RNF150: variants seen among roughly 807,000 people sequenced by gnomAD.
The protein encoded by RNF150 is ring finger protein 150.
In RNF150, 24 loss-of-function variants were observed where a neutral mutation model predicts 39.3. The observed-to-expected ratio is 0.61, with a 90% confidence interval of 0.44 to 0.86. RNF150 has a LOEUF of 0.86. RNF150 is among the 40% of genes least tolerant of loss of function. The pLI is 0.00. For synonymous variants in RNF150, 255 were observed against 227.3 expected, an observed-to-expected ratio of 1.12 and a Z score of -1.10; for missense variants, 502 against 587.8, an observed-to-expected ratio of 0.85 and a Z score of 1.51.
At chr4:140,992,509 C>T (rs1409200818) in intron 1 of RNF150, among the ~76,000 whole-genome samples, 2 of 152,106 alleles carry the variant, frequency 1.3e-5, no homozygotes, top group South Asian at 2.1e-4. Flanking sequence ...GAGGTGGCCA[C>T]ACAGTCAGCT....
chr4:141,025,224 GAACA>G (rs1174536172), intron 1 of RNF150, among the ~76,000 whole-genome samples: 2 of 151,950 alleles, frequency 1.3e-5, no homozygotes, highest in Non-Finnish European at 2.9e-5. Context: ...CACAAGAAAA[GAACA>G]AATACCAGGC....
Position 140,860,327 on chromosome 4 carries a change from C to T in RNF150, c.*7934G>A, listed in dbSNP as rs1364913205. 2.6e-5 allele frequency: 4 copies of T among 152,082 alleles called. No homozygotes were observed. The highest frequency in any genetic ancestry group is 1.9e-4 in the East Asian group (1 of 5,182). 9.4% of individuals were successfully genotyped at this position (152,082 alleles called of 1,614,324 possible). ...ACAGAAGATTAGTTTTGGGTAAAAA[C>T]GCTACATAATTCACTAGTACTTATT... On this transcript the variant is annotated 3_prime_UTR_variant, in exon 7 of 7. Coordinates refer to ENST00000515673, the MANE Select transcript of RNF150 (RefSeq NM_020724.2).
intron 1 of RNF150, among the ~76,000 whole-genome samples, chr4:141,175,256 T>C (rs988777176): frequency 6.6e-6 from 1 of 152,190 alleles, no homozygotes; most frequent in Admixed American, 6.5e-5. Context: ...TCCTCACAGA[T>C]TTGTTGAGCT....
intron 5 of RNF150, among the ~76,000 whole-genome samples, chr4:140,921,804 C>A (rs1161340748): frequency 6.6e-6 from 1 of 152,162 alleles, no homozygotes; most frequent in Non-Finnish European, 1.5e-5. Context: ...GGATGCAAGG[C>A]TGGTTCAACA....
At chr4:141,051,568 T>C (rs903495156) in intron 1 of RNF150, among the ~76,000 whole-genome samples, 5 of 152,204 alleles carry the variant, frequency 3.3e-5, no homozygotes, top group African/African-American at 1.2e-4. Flanking sequence ...CACAAGTCTC[T>C]AGGGCAGGCG....
intron 1 of RNF150, among the ~76,000 whole-genome samples, chr4:141,081,109 A>G (rs1305568607): frequency 6.6e-6 from 1 of 152,224 alleles, no homozygotes; most frequent in Non-Finnish European, 1.5e-5. Context: ...TACTGCCATA[A>G]TATCAGTACT....
At chr4:140,935,046 A>AT (rs56284933) in intron 4 of RNF150, among the ~76,000 whole-genome samples, 12 of 93,686 alleles carry the variant, frequency 1.3e-4, no homozygotes, top group South Asian at 3.1e-4. Flanking sequence ...TATATATATA[A>AT]ATATATATAT....
At chr4:140,999,969 G>GA (rs1553935657) in intron 1 of RNF150, among the ~76,000 whole-genome samples, 1 of 31,048 alleles carries the variant, frequency 3.2e-5, no homozygotes, top group Non-Finnish European at 9.0e-5. Context: ...AGAAGAAGAA[G>GA]AAGAAGAAAA....
At chr4:140,941,116 G>C (rs1433427674) in intron 4 of RNF150, among the ~76,000 whole-genome samples, 1 of 151,994 alleles carries the variant, frequency 6.6e-6, no homozygotes, top group African/African-American at 2.4e-5. Context: ...GTAAGAGATG[G>C]GGCTAAAAAA....
intron 1 of RNF150, among the ~76,000 whole-genome samples, chr4:141,149,481 A>G (rs1467643594): frequency 6.6e-6 from 1 of 152,154 alleles, no homozygotes; most frequent in Non-Finnish European, 1.5e-5. Flanking sequence ...GTGAGAACAT[A>G]TGATGTTTGG....
At chr4:141,086,517 A>G (rs373555294) in intron 1 of RNF150, among the ~76,000 whole-genome samples, 3 of 152,134 alleles carry the variant, frequency 2.0e-5, no homozygotes, top group African/African-American at 7.2e-5. Flanking sequence ...GGGTATGTAC[A>G]AAAGCAGTGT....
chr4:141,140,377 C>T (rs1456994676), intron 1 of RNF150, among the ~76,000 whole-genome samples: 1 of 152,134 alleles, frequency 6.6e-6, no homozygotes, highest in East Asian at 1.9e-4. Flanking sequence ...ATAAACTCTT[C>T]CAAACAACTT....
At position 141,171,523 on chromosome 4, in the gene RNF150, G is replaced by A. The variant is rs111447886; in HGVS notation, c.-6+41271C>T. On this transcript the variant is annotated intron_variant, in intron 1 of 7. Transcript: ENST00000420921. ...GGGGATTCTTACTACTTACTAGTGA[G>A]TGAGCACAGAATGGGGGAACTGAAT... 2.6e-3 allele frequency among the ~76,000 whole-genome samples: 403 copies of A among 152,218 alleles called. 1 individual carries two copies. Among genetic ancestry groups the A allele is most frequent in the African/African-American group, 9.2e-3 (382 of 41,512 alleles).
chr4:141,001,265 T>C (rs1025528985), intron 1 of RNF150, among the ~76,000 whole-genome samples: 12 of 152,252 alleles, frequency 7.9e-5, no homozygotes, highest in African/African-American at 2.9e-4. Context: ...AACCTCTCTT[T>C]CTCCCTCTTT....
At chr4:141,010,864 G>C (rs182364696) in intron 1 of RNF150, among the ~76,000 whole-genome samples, 1 of 152,070 alleles carries the variant, frequency 6.6e-6, no homozygotes, top group Admixed American at 6.6e-5. Context: ...GGTTCTGCAT[G>C]GGCTCCTCTC....
At chr4:140,994,820 A>G (rs922780166) in intron 1 of RNF150, among the ~76,000 whole-genome samples, 10 of 152,142 alleles carry the variant, frequency 6.6e-5, no homozygotes, top group African/African-American at 1.2e-4. Flanking sequence ...TGTTCAATCT[A>G]TAAGTCTTTT....
At chr4:141,048,218 C>G (rs2110881301) in intron 1 of RNF150, among the ~76,000 whole-genome samples, 1 of 152,342 alleles carries the variant, frequency 6.6e-6, no homozygotes, top group South Asian at 2.1e-4. Flanking sequence ...CATGCCATCT[C>G]TTGGCTGAGC....
chr4:140,965,921 C>T (rs1175147187), intron 2 of RNF150, among the ~76,000 whole-genome samples: 2 of 152,098 alleles, frequency 1.3e-5, no homozygotes, highest in South Asian at 2.1e-4. Context: ...CATCAAAAAA[C>T]TATGTGAGAC....
chr4:140,971,149 A>G (rs905374136), intron 1 of RNF150, among the ~76,000 whole-genome samples: 2 of 152,146 alleles, frequency 1.3e-5, no homozygotes, highest in East Asian at 3.9e-4. Flanking sequence ...ATGAGTATCA[A>G]ATTCCCTGAT....
Sources: allele counts gnomAD v4.1 joint callset (sites outside exome capture counted in the v4.1 genomes callset), GRCh38; gene constraint gnomAD v4.1.1; transcripts MANE v1.5; gene names NCBI Gene and HGNC (gene_info 2026-07-23, HGNC 2026-07-21).